CCDC7: variants seen among roughly 807,000 people sequenced by gnomAD.
The protein encoded by CCDC7 is coiled-coil domain containing 7.
In CCDC7, 183 loss-of-function variants were observed where a neutral mutation model predicts 196.9. The ratio of observed to expected loss-of-function variants is 0.93; its 90% confidence interval spans 0.82 to 1.05. The LOEUF is 1.05. Ranked by LOEUF, CCDC7 falls within the 50% of genes least tolerant of loss-of-function variation. The probability of loss-of-function intolerance (pLI) is 0.00; values close to 1 mark genes in which losing one functional copy is unlikely to be tolerated. For synonymous variants in CCDC7, 525 were observed against 484.6 expected (o/e 1.08, Z -1.10); for missense variants, 1,540 against 1,482.2 (o/e 1.04, Z -0.64).
At chr10:32,671,085 A>G (rs1437765134) in intron 21 of CCDC7, among the ~76,000 whole-genome samples, 1 of 152,168 alleles carries the variant, frequency 6.6e-6, no homozygotes, top group African/African-American at 2.4e-5. Context: ...AATAAAGAAA[A>G]TTCATTCAAA....
chr10:32,643,368 G>T lies in CCDC7; in HGVS notation c.2014+8210G>T, dbSNP rs188950137. 2.6e-4 allele frequency among the ~76,000 whole-genome samples: 40 copies of T among 151,738 alleles called. 1 individual carries two copies. Among genetic ancestry groups the T allele is most frequent in the Admixed American group, 1.3e-4 (2 of 15,256 alleles). ...GTGGTGTATCTCTTTTCATCTACTT[G>T]TTTTCTGTCTTTCTGGATTTTTATA... On this transcript the variant is annotated intron_variant, in intron 20 of 41. Transcript: ENST00000639629.
upstream of CCDC7, among the ~76,000 whole-genome samples, chr10:32,447,683 C>G (rs3006750): frequency 0.14 from 21,036 of 152,056 alleles, 1,768 homozygotes; most frequent in East Asian, 0.26. Flanking sequence ...GGGAGGATCA[C>G]CTGAGGTCAG....
chr10:32,677,214 G>A (rs1311764650), intron 21 of CCDC7, among the ~76,000 whole-genome samples: 1 of 126,914 alleles, frequency 7.9e-6, no homozygotes, highest in African/African-American at 3.0e-5. Context: ...GGGGACTGTT[G>A]TGGGGTGGGG....
At chr10:32,796,885 G>A (rs1403718364) in intron 29 of CCDC7, among the ~76,000 whole-genome samples, 1 of 152,048 alleles carries the variant, frequency 6.6e-6, no homozygotes, top group Non-Finnish European at 1.5e-5. Flanking sequence ...AAATAACCTG[G>A]TGAAATTTAC....
At chr10:32,804,786 G>A (rs1321049138) in intron 29 of CCDC7, among the ~76,000 whole-genome samples, 2 of 152,064 alleles carry the variant, frequency 1.3e-5, no homozygotes, top group African/African-American at 2.4e-5. Flanking sequence ...GGTCTTGGTC[G>A]AATCACTAAA....
At chr10:32,877,307 T>A (rs1167148447), downstream of CCDC7, among the ~76,000 whole-genome samples, 1 of 152,086 alleles carries the variant, frequency 6.6e-6, no homozygotes, top group Non-Finnish European at 1.5e-5. Flanking sequence ...GATCAATTAT[T>A]CTCTAAAACT....
intron 28 of CCDC7, among the ~76,000 whole-genome samples, chr10:32,732,758 T>A (rs2084202771): frequency 6.6e-6 from 1 of 152,144 alleles, no homozygotes; most frequent in Non-Finnish European, 1.5e-5. Context: ...CCCACCTACA[T>A]GTAGCATTAC....
intron 13 of CCDC7, 104 bp from the exon 15 acceptor site, chr10:32,565,454 T>A (rs1014656755): frequency 1.3e-5 from 16 of 1,191,454 alleles, no homozygotes; most frequent in Non-Finnish European, 1.9e-5. Context: ...TATGCTCAAT[T>A]CTTATCTTGG....
At chr10:32,635,623 AAAAAC>A (rs541573923) in intron 20 of CCDC7, among the ~76,000 whole-genome samples, 2 of 152,186 alleles carry the variant, frequency 1.3e-5, no homozygotes, top group Admixed American at 6.5e-5. Context: ...TCATTGCCAC[AAAAAC>A]AAAACAAAAC....
At chr10:32,777,348 G>T (rs2080235768) in intron 28 of CCDC7, among the ~76,000 whole-genome samples, 1 of 152,202 alleles carries the variant, frequency 6.6e-6, no homozygotes, top group Non-Finnish European at 1.5e-5. Flanking sequence ...ACGTATGGAT[G>T]CATGTGTCCA....
chr10:32,730,455 T>G (rs1469847126), intron 28 of CCDC7, among the ~76,000 whole-genome samples: 1 of 151,996 alleles, frequency 6.6e-6, no homozygotes, highest in Non-Finnish European at 1.5e-5. Context: ...GTACCAAAAA[T>G]TTTAAGCTTT....
intron 32 of CCDC7, among the ~76,000 whole-genome samples, 179 bp from the exon 34 acceptor site, chr10:32,834,636 G>A (rs1311291073): frequency 1.3e-5 from 2 of 149,666 alleles, no homozygotes; most frequent in African/African-American, 2.4e-5. Context: ...CAATTCTAAG[G>A]CTTTGTAATT....
At chr10:32,483,489 C>G (rs1272693249) in intron 8 of CCDC7, among the ~76,000 whole-genome samples, 1 of 152,328 alleles carries the variant, frequency 6.6e-6, no homozygotes, top group African/African-American at 2.4e-5. Flanking sequence ...TGAAGAAGCT[C>G]TGTAGTTTAA....
chr10:32,542,817 A>C (rs983797065), intron 11 of CCDC7, among the ~76,000 whole-genome samples: 32 of 152,280 alleles, frequency 2.1e-4, no homozygotes, highest in Admixed American at 1.4e-3. Flanking sequence ...AACAAGTTTC[A>C]GGTCTTTCTC....
chr10:32,621,299 A>G (rs530845017), intron 18 of CCDC7, among the ~76,000 whole-genome samples: 2 of 152,294 alleles, frequency 1.3e-5, no homozygotes, highest in Non-Finnish European at 2.9e-5. Context: ...TTTATACCAC[A>G]AAGAAAACTT....
intron 21 of CCDC7, among the ~76,000 whole-genome samples, chr10:32,683,324 A>C (rs975312596): frequency 1.3e-5 from 2 of 152,054 alleles, no homozygotes; most frequent in African/African-American, 4.8e-5. Flanking sequence ...TTTATTCCTG[A>C]GTTCTCTAAC....
At chr10:32,829,733 A>T (rs2091894511) in intron 32 of CCDC7, among the ~76,000 whole-genome samples, 1 of 152,018 alleles carries the variant, frequency 6.6e-6, no homozygotes, top group Non-Finnish European at 1.5e-5. Context: ...TGTTAACTTG[A>T]TTGGAGTGAA....
At chr10:32,669,953 G>A (rs1270706264) in intron 21 of CCDC7, among the ~76,000 whole-genome samples, 3 of 152,080 alleles carry the variant, frequency 2.0e-5, no homozygotes, top group Non-Finnish European at 4.4e-5. Context: ...ATAATCAGAC[G>A]TTTGCTTGGT....
At chr10:32,524,353 G>A (rs1361471372) in intron 11 of CCDC7, among the ~76,000 whole-genome samples, 1 of 152,022 alleles carries the variant, frequency 6.6e-6, no homozygotes, top group Non-Finnish European at 1.5e-5. Flanking sequence ...AGCTGGTATA[G>A]TTATTATTTT....
Sources: allele counts gnomAD v4.1 joint callset (sites outside exome capture counted in the v4.1 genomes callset), GRCh38; gene constraint gnomAD v4.1.1; transcripts MANE v1.5; gene names NCBI Gene and HGNC (gene_info 2026-07-23, HGNC 2026-07-21).